CCSER1: variants seen among roughly 807,000 people sequenced by gnomAD.
CCSER1 encodes the protein coiled-coil serine rich protein 1.
In CCSER1, 41 loss-of-function variants were observed where a neutral mutation model predicts 82.0. The ratio of observed to expected loss-of-function variants is 0.50; its 90% CI spans 0.39 to 0.65. CCSER1 has a LOEUF of 0.65. Ranked by LOEUF, CCSER1 falls within the 30% of genes least tolerant of loss-of-function variation. The pLI is 0.00. For missense variants in CCSER1, 1,119 were observed against 1,064.2 expected, an observed-to-expected ratio of 1.05 and a Z score of -0.72; for synonymous variants, 414 against 383.9, an observed-to-expected ratio of 1.08 and a Z score of -0.92.
chr4:90,735,707 A>G (rs989880124), intron 7 of CCSER1, among the ~76,000 whole-genome samples: 4 of 152,030 alleles, frequency 2.6e-5, no homozygotes, highest in African/African-American at 9.6e-5. Context: ...CTGTTTTCTT[A>G]GTCTGGCTAA....
At chr4:90,754,621 A>G (rs1749206229) in intron 7 of CCSER1, among the ~76,000 whole-genome samples, 1 of 152,172 alleles carries the variant, frequency 6.6e-6, no homozygotes, top group Non-Finnish European at 1.5e-5. Flanking sequence ...AACCCATTAC[A>G]GTGAGGTTAC....
At chr4:90,565,832 T>C (rs1223309981) in intron 5 of CCSER1, among the ~76,000 whole-genome samples, 2 of 152,032 alleles carry the variant, frequency 1.3e-5, no homozygotes, top group East Asian at 3.8e-4. Flanking sequence ...TATGTTGAAC[T>C]ATCCTTTCAT....
intron 8 of CCSER1, among the ~76,000 whole-genome samples, chr4:90,900,964 C>T (rs1016825670): frequency 6.6e-6 from 1 of 151,730 alleles, no homozygotes; most frequent in Non-Finnish European, 1.5e-5. Flanking sequence ...AATCTGTGTG[C>T]TTTGATGTTA....
chr4:91,071,034 A>G (rs1395807046), intron 9 of CCSER1, among the ~76,000 whole-genome samples: 2 of 152,330 alleles, frequency 1.3e-5, no homozygotes, highest in Admixed American at 6.5e-5. Flanking sequence ...AGTGAACACT[A>G]CTGATATTAC....
intron 8 of CCSER1, among the ~76,000 whole-genome samples, chr4:90,833,227 G>C (rs1220922019): frequency 6.6e-6 from 1 of 152,162 alleles, no homozygotes; most frequent in Non-Finnish European, 1.5e-5. Flanking sequence ...TCCTCAAATG[G>C]AAGAAAGGAC....
At chr4:91,365,770 T>C (rs4146583) in intron 10 of CCSER1, among the ~76,000 whole-genome samples, 118,285 of 152,026 alleles carry the variant, frequency 0.78, 46,814 homozygotes, top group African/African-American at 0.93. Context: ...CAGAGGGAGA[T>C]CTGCATGAAC....
intron 10 of CCSER1, among the ~76,000 whole-genome samples, chr4:91,127,067 A>G (rs957187620): frequency 6.6e-5 from 10 of 152,024 alleles, no homozygotes; most frequent in Admixed American, 2.6e-4. Context: ...TGTTTCTATC[A>G]TCATCCCTGG....
intron 1 of CCSER1, among the ~76,000 whole-genome samples, chr4:90,196,690 A>ACACACACACACACAC: frequency 1.6e-5 from 1 of 62,022 alleles, no homozygotes; most frequent in South Asian, 6.0e-4. Flanking sequence ...CACACACACA[A>ACACACACACACACAC]TCTTAGCTCA....
intron 6 of CCSER1, among the ~76,000 whole-genome samples, chr4:90,666,030 C>T (rs1247573024): frequency 6.6e-6 from 1 of 152,088 alleles, no homozygotes; most frequent in African/African-American, 2.4e-5. Context: ...TTCTTAAGGT[C>T]TTCTGCATTC....
intron 7 of CCSER1, among the ~76,000 whole-genome samples, chr4:90,760,282 T>C (rs1056343565): frequency 4.6e-5 from 7 of 152,034 alleles, no homozygotes; most frequent in Non-Finnish European, 7.4e-5. Flanking sequence ...ATTTTATTCT[T>C]TTTTAATGTT....
At chr4:90,933,183 G>GTGTGTC (rs1730446184) in intron 9 of CCSER1, among the ~76,000 whole-genome samples, 2 of 70,758 alleles carry the variant, frequency 2.8e-5, no homozygotes, top group African/African-American at 1.4e-4. Flanking sequence ...GTGTGTGTGT[G>GTGTGTC]ATTTTATTTT....
In CCSER1 at chr4:91,213,431, G is replaced by T. The variant is rs926539154; in HGVS notation, c.2217+127437G>T. On this transcript the variant is annotated intron_variant, in intron 10 of 10. Transcript: ENST00000509176. ...TACAAAGTTGTTTTATGGTGATATAGTAAAAAAAAGTTAATGGTAACATCC... is the reference window on the plus strand; with the variant it reads ...TACAAAGTTGTTTTATGGTGATATATTAAAAAAAAGTTAATGGTAACATCC... 2.6e-5 allele frequency among the ~76,000 whole-genome samples: 4 copies of T among 152,006 alleles called. No homozygotes were observed. In the East Asian group the frequency reaches 7.7e-4, roughly 29 times the overall value.
chr4:90,969,330 A>G (rs1734865517), intron 9 of CCSER1, among the ~76,000 whole-genome samples: 1 of 152,016 alleles, frequency 6.6e-6, no homozygotes, highest in Non-Finnish European at 1.5e-5. Flanking sequence ...AATAACTTCA[A>G]AAAGAATATA....
At chr4:90,950,231 G>A (rs1282372568) in intron 9 of CCSER1, among the ~76,000 whole-genome samples, 1 of 151,930 alleles carries the variant, frequency 6.6e-6, no homozygotes, top group African/African-American at 2.4e-5. Context: ...CATTTTCATG[G>A]CTATATGTTA....
chr4:90,547,910 G>A (rs1480512587), intron 5 of CCSER1, among the ~76,000 whole-genome samples: 3 of 152,134 alleles, frequency 2.0e-5, no homozygotes, highest in African/African-American at 7.2e-5. Context: ...TGGTATGTGA[G>A]TAAAAGATAT....
chr4:91,148,179 C>A (rs1368636591), intron 10 of CCSER1, among the ~76,000 whole-genome samples: 2 of 152,078 alleles, frequency 1.3e-5, no homozygotes, highest in Non-Finnish European at 2.9e-5. Flanking sequence ...CATAGCAACC[C>A]TTAAAGATAA....
At chr4:90,840,174 A>T (rs977842706) in intron 8 of CCSER1, among the ~76,000 whole-genome samples, 1 of 152,154 alleles carries the variant, frequency 6.6e-6, no homozygotes, top group African/African-American at 2.4e-5. Context: ...TAAATAAGAG[A>T]ATCCTTTATT....
At chr4:91,003,572 C>T (rs1738236456) in intron 9 of CCSER1, among the ~76,000 whole-genome samples, 1 of 152,158 alleles carries the variant, frequency 6.6e-6, no homozygotes, top group Non-Finnish European at 1.5e-5. Flanking sequence ...CACTGTGCCC[C>T]CTCCAACAGA....
intron 5 of CCSER1, among the ~76,000 whole-genome samples, chr4:90,568,947 T>C (rs1315009798): frequency 6.6e-6 from 1 of 152,004 alleles, no homozygotes; most frequent in African/African-American, 2.4e-5. Context: ...TTTATATTTG[T>C]AGTAGAGACA....
Sources: allele counts gnomAD v4.1 joint callset (sites outside exome capture counted in the v4.1 genomes callset), GRCh38; gene constraint gnomAD v4.1.1; transcripts MANE v1.5; gene names NCBI Gene and HGNC (gene_info 2026-07-23, HGNC 2026-07-21).